The following PREPL variants were observed in gnomAD, a reference collection of about 807,000 sequenced individuals.
PREPL encodes the protein prolyl endopeptidase like, also known as prolyl endopeptidase-like.
PREPL carries 77 observed loss-of-function variants against 70.6 expected under a neutral mutation model. That is an observed-to-expected ratio of 1.09 (90% confidence interval 0.91 to 1.32). The LOEUF (loss-of-function observed/expected upper bound fraction) is 1.32, where lower values mean the gene tolerates loss of function less well. Among genes scored for constraint, PREPL ranks in the 40% most tolerant of loss-of-function variants. The probability of loss-of-function intolerance (pLI) is 0.00; values close to 1 mark genes in which losing one functional copy is unlikely to be tolerated. For synonymous variants in PREPL, 315 were observed against 264.8 expected (o/e 1.19, Z -1.84); for missense variants, 1,002 against 778.2 (o/e 1.29, Z -3.42).
chr2:44,320,514 G>A lies in PREPL; in HGVS notation c.*842C>T. On this transcript the variant is annotated 3_prime_UTR_variant, in exon 14 of 14. Coordinates refer to ENST00000409411, the MANE Select transcript of PREPL (RefSeq NM_001171613.2). ...TGGCATTTTTCTGGACAAGGGAGAG[G>A]GACTCATCTTTGAACACAACACGAA... The A allele has an allele frequency of 6.2e-7, 1 of 1,614,064 alleles. No homozygotes were observed. The highest frequency in any genetic ancestry group is 8.5e-7 in the Non-Finnish European group (1 of 1,179,962).
At chr2:44,338,584 C>G (rs538119276) in intron 6 of PREPL, 48 bp from the exon 7 acceptor site, 1 of 1,449,774 alleles carries the variant, frequency 6.9e-7, no homozygotes, top group Non-Finnish European at 9.4e-7. Context: ...AACACGAAGG[C>G]TGCAGCATCC....
At chr2:44,345,589 C>G (rs1174851239) in intron 2 of PREPL, among the ~76,000 whole-genome samples, 7 of 152,262 alleles carry the variant, frequency 4.6e-5, no homozygotes, top group Admixed American at 2.6e-4. Context: ...CTCAGGTGAT[C>G]TGCCCACCTT....
chr2:44,361,251 G>A (rs1677760759), intron 1 of PREPL, 129 bp downstream of exon 1: 1 of 152,364 alleles, frequency 6.6e-6, no homozygotes, highest in African/African-American at 2.4e-5. Flanking sequence ...ACAGGGAGAG[G>A]GACCAGGTGA....
chr2:44,328,522 G>C (rs996417543), intron 9 of PREPL, among the ~76,000 whole-genome samples: 1 of 150,932 alleles, frequency 6.6e-6, no homozygotes, highest in African/African-American at 2.4e-5. Context: ...TATTATACTG[G>C]GGAATCTGGA....
chr2:44,334,819 A>T (rs939677131), intron 7 of PREPL, among the ~76,000 whole-genome samples: 1 of 152,202 alleles, frequency 6.6e-6, no homozygotes, highest in Non-Finnish European at 1.5e-5. Flanking sequence ...ACCTCAGGTG[A>T]TCCGCCTGCC....
intron 1 of PREPL, among the ~76,000 whole-genome samples, chr2:44,350,358 G>A (rs975965245): frequency 1.3e-5 from 2 of 151,882 alleles, no homozygotes; most frequent in Non-Finnish European, 2.9e-5. Context: ...AGCCATTTTT[G>A]ATAAATGCAG....
intron 12 of PREPL, among the ~76,000 whole-genome samples, chr2:44,322,350 TGGGCACTGATGG>T (rs1673057374): frequency 6.6e-6 from 1 of 152,184 alleles, no homozygotes; most frequent in African/African-American, 2.4e-5. Context: ...CTAAACAGTT[TGGGCACTGATGG>T]CCCAAAACAA....
intron 5 of PREPL, among the ~76,000 whole-genome samples, chr2:44,339,596 T>A (rs1403858238): frequency 6.6e-6 from 1 of 152,228 alleles, no homozygotes; most frequent in African/African-American, 2.4e-5. Context: ...ATCATAAATG[T>A]TTTTCAAAAA....
At chr2:44,350,157 C>T (rs887751211) in intron 1 of PREPL, among the ~76,000 whole-genome samples, 6 of 152,022 alleles carry the variant, frequency 3.9e-5, no homozygotes, top group African/African-American at 1.2e-4. Context: ...AAAAATCAAT[C>T]TTATTCTAAA....
rs770801300 is a variant in PREPL, at chr2:44,320,391, C to T, written c.*965G>A. 2.3e-5 allele frequency: 37 copies of T among 1,613,834 alleles called. 2 individuals carry two copies. The South Asian group carries it at 3.2e-4, about 14-fold the overall frequency. On this transcript the variant is annotated 3_prime_UTR_variant, in exon 14 of 14. Coordinates refer to ENST00000409411, the MANE Select transcript of PREPL (RefSeq NM_001171613.2). The stretch of plus-strand genomic sequence containing the variant: ...GGTTCTGAATTTTGGAGAATCAACA[C>T]TGTTAAATCTACATAATATGATTTC...
At chr2:44,323,238 T>C in intron 11 of PREPL, 24 bp downstream of exon 11, 1 of 1,561,496 alleles carries the variant, frequency 6.4e-7, no homozygotes, top group Non-Finnish European at 8.7e-7. Context: ...TTCAGGATAA[T>C]CTAACACAAT....
At chr2:44,351,030 C>G (rs556380051) in intron 1 of PREPL, among the ~76,000 whole-genome samples, 1 of 151,400 alleles carries the variant, frequency 6.6e-6, no homozygotes, top group Non-Finnish European at 1.5e-5. Context: ...TCAAGCGATT[C>G]TCCTGCCTCC....
chr2:44,346,352 A>T lies in PREPL; in HGVS notation c.-10T>A. 1 of 1,612,884 alleles carries T rather than the reference A, an allele frequency of 6.2e-7. No individual in the cohort carries two copies. Among genetic ancestry groups the T allele is most frequent in the Non-Finnish European group, 8.5e-7 (1 of 1,179,320 alleles). On this transcript the variant is annotated 5_prime_UTR_variant, in exon 2 of 14. Coordinates refer to ENST00000409411, the MANE Select transcript of PREPL (RefSeq NM_001171613.2). Reference sequence around the variant, plus strand: ...TTTCAAATGCATCCATGTTTTCTGGAAGGGGTTTTTCGTTTTCTTGTTTAA... The same window carrying T: ...TTTCAAATGCATCCATGTTTTCTGGTAGGGGTTTTTCGTTTTCTTGTTTAA...
At position 44,354,513 on chromosome 2, in the gene PREPL, C is replaced by A. The variant is rs369972708; in HGVS notation, c.-49+6867G>T. Among the ~76,000 whole-genome samples, 44 of 152,170 alleles carry A rather than the reference C, an allele frequency of 2.9e-4. 1 individual carries two copies. Among genetic ancestry groups the A allele is most frequent in the African/African-American group, 9.9e-4 (41 of 41,532 alleles). ...AACAACTCTCCCCAAATTCCAGACT[C>A]ATATATCCAACTGCTACTGAAATCT... On this transcript the variant is annotated intron_variant, in intron 1 of 13. Transcript: ENST00000409411.
intron 2 of PREPL, among the ~76,000 whole-genome samples, chr2:44,345,440 A>C (rs1675694295): frequency 6.6e-6 from 1 of 151,800 alleles, no homozygotes; most frequent in African/African-American, 2.4e-5. Flanking sequence ...CAACCTCTGC[A>C]TCCTGAGTTC....
Position 44,328,939 on chromosome 2 carries a change from A to C in PREPL, c.1260T>G (p.Val420=). 6.2e-7 allele frequency: 1 copy of C among 1,611,730 alleles called. No homozygotes were observed. Among genetic ancestry groups the C allele is most frequent in the Non-Finnish European group, 8.5e-7 (1 of 1,179,182 alleles). ...DDGWILAYCH[V]RGGGELGLQW... Reference sequence around the variant, plus strand: ...CCAGGTAAAATATACTGACTCACCGAACATGGCAGTATGCTAATATCCATC... The same window carrying C: ...CCAGGTAAAATATACTGACTCACCGCACATGGCAGTATGCTAATATCCATC... The change falls in exon 9 of 14, where the codon GTT becomes GTG. Residue 420 remains valine (V), a splice_region_variant and synonymous_variant. Transcript: ENST00000409411.
In PREPL at chr2:44,350,501, AAATT is replaced by A. The variant is rs543083023; in HGVS notation, c.-48-4115_-48-4112del. 5.2e-3 allele frequency among the ~76,000 whole-genome samples: 775 copies of A among 150,436 alleles called. 2 individuals carry two copies. The highest frequency in any genetic ancestry group is 8.0e-3 in the Non-Finnish European group (536 of 67,168). The stretch of plus-strand genomic sequence containing the variant: ...ACTAAATCTGTAATCAAAATACCTG[AAATT>A]AATTCATATTAGCATATACATGGTA... On this transcript the variant is annotated intron_variant, in intron 1 of 13. Transcript: ENST00000409411.
intron 1 of PREPL, among the ~76,000 whole-genome samples, chr2:44,349,619 G>A (rs532740022): frequency 1.3e-5 from 2 of 152,208 alleles, no homozygotes; most frequent in East Asian, 3.9e-4. Flanking sequence ...CAAATTAAAA[G>A]TTGGTTCTTT....
At position 44,338,291 on chromosome 2, in the gene PREPL, T is replaced by C. The variant is rs1352552419; in HGVS notation, c.888+60A>G. ...CCACTATTCAAAATGTGATGTTCTG[T>C]TAAGCTAAACTGCATAAATATTTTG... On this transcript the variant is annotated intron_variant, in intron 7 of 13. Coordinates refer to ENST00000409411, the MANE Select transcript of PREPL (RefSeq NM_001171613.2). 2.8e-6 allele frequency: 4 copies of C among 1,438,160 alleles called. No homozygotes were observed. In the African/African-American group the frequency reaches 5.8e-5, roughly 21 times the overall value. 89.1% of individuals were successfully genotyped at this position (1,438,160 alleles called of 1,614,324 possible).
Sources: gnomAD v4.1 joint callset for allele counts (sites outside exome capture counted in the v4.1 genomes callset) on GRCh38, gnomAD v4.1.1 for gene constraint, MANE v1.5 for transcripts, NCBI Gene and HGNC (gene_info 2026-07-23, HGNC 2026-07-21) for gene names.